KIAA1217: variants seen among roughly 807,000 people sequenced by gnomAD.
The protein encoded by KIAA1217 is KIAA1217, also known as sickle tail protein homolog.
In KIAA1217, 88 loss-of-function variants were observed where a neutral mutation model predicts 163.9. That is an observed-to-expected ratio of 0.54 (90% CI 0.45 to 0.64). KIAA1217 has a LOEUF of 0.64. Ranked by LOEUF, KIAA1217 falls within the 30% of genes least tolerant of loss-of-function variation. The pLI is 0.00. For missense variants in KIAA1217, 2,372 were observed against 2,475.0 expected, an observed-to-expected ratio of 0.96 and a Z score of 0.88; for synonymous variants, 903 against 923.1, an observed-to-expected ratio of 0.98 and a Z score of 0.39.
chr10:24,018,580 T>A (rs940928483), intron 2 of KIAA1217, among the ~76,000 whole-genome samples: 1 of 150,888 alleles, frequency 6.6e-6, no homozygotes, highest in Non-Finnish European at 1.5e-5. Flanking sequence ...ATAATAATAA[T>A]AAATAAATAA....
chr10:24,021,235 A>G (rs1847718207), intron 2 of KIAA1217, among the ~76,000 whole-genome samples: 1 of 151,992 alleles, frequency 6.6e-6, no homozygotes, highest in Non-Finnish European at 1.5e-5. Context: ...TACTGGAATT[A>G]ATAAGCAACT....
intron 1 of KIAA1217, among the ~76,000 whole-genome samples, chr10:23,920,544 G>C (rs1462467463): frequency 6.6e-6 from 1 of 152,172 alleles, no homozygotes; most frequent in Non-Finnish European, 1.5e-5. Context: ...AGAATGATTA[G>C]ATACCAAGCT....
chr10:24,527,665 A>G (rs2072410749), intron 13 of KIAA1217, among the ~76,000 whole-genome samples: 1 of 151,994 alleles, frequency 6.6e-6, no homozygotes, highest in Non-Finnish European at 1.5e-5. Context: ...CCCTGCCTCT[A>G]AAAAAATACA....
intron 4 of KIAA1217, among the ~76,000 whole-genome samples, chr10:24,434,689 T>G (rs2059886327): frequency 2.0e-5 from 3 of 152,228 alleles, no homozygotes; most frequent in Admixed American, 6.5e-5. Context: ...AAAGAACTCA[T>G]TTGATCTGTT....
intron 1 of KIAA1217, among the ~76,000 whole-genome samples, chr10:23,873,961 C>T (rs1840574499): frequency 6.6e-6 from 1 of 152,016 alleles, no homozygotes; most frequent in Non-Finnish European, 1.5e-5. Flanking sequence ...TTAGCCTATG[C>T]CAAGCACATG....
At chr10:24,053,361 A>AT (rs1276034761) in intron 2 of KIAA1217, among the ~76,000 whole-genome samples, 1 of 152,084 alleles carries the variant, frequency 6.6e-6, no homozygotes, top group Non-Finnish European at 1.5e-5. Context: ...TTTAAACACA[A>AT]TTATTTAGAC....
At chr10:24,417,992 G>C (rs1222590336) in intron 3 of KIAA1217, among the ~76,000 whole-genome samples, 1 of 151,388 alleles carries the variant, frequency 6.6e-6, no homozygotes, top group Non-Finnish European at 1.5e-5. Flanking sequence ...CTGTCACCCA[G>C]GCTGGAGTGC....
chr10:24,437,906 CAAAA>C (rs58645832), intron 4 of KIAA1217, among the ~76,000 whole-genome samples: 9 of 63,682 alleles, frequency 1.4e-4, no homozygotes, highest in African/African-American at 4.7e-4. Context: ...TGTTTGAAGG[CAAAA>C]AAAAAAAAAA....
intron 2 of KIAA1217, among the ~76,000 whole-genome samples, chr10:24,373,709 T>C (rs1240887919): frequency 1.3e-5 from 2 of 152,184 alleles, no homozygotes; most frequent in South Asian, 4.2e-4. Flanking sequence ...AGAGGTGTCC[T>C]TGTCATTTGT....
chr10:24,090,590 G>C (rs1375596276), intron 2 of KIAA1217, among the ~76,000 whole-genome samples: 1 of 151,438 alleles, frequency 6.6e-6, no homozygotes, highest in African/African-American at 2.4e-5. Flanking sequence ...TTCTCAAAGA[G>C]CATTTTTGAG....
chr10:24,001,271 A>C (rs1344694434), intron 1 of KIAA1217, among the ~76,000 whole-genome samples: 1 of 152,184 alleles, frequency 6.6e-6, no homozygotes, highest in Admixed American at 6.6e-5. Flanking sequence ...CTTCATATGC[A>C]AATGTCTGTC....
chr10:23,728,206 T>G (rs1838278374), intron 1 of KIAA1217, among the ~76,000 whole-genome samples: 1 of 152,206 alleles, frequency 6.6e-6, no homozygotes, highest in Non-Finnish European at 1.5e-5. Context: ...GCTCAAATGG[T>G]ATTTTTCGTT....
At position 24,302,730 on chromosome 10, in the gene KIAA1217, A is replaced by G. The variant is rs190911269; in HGVS notation, c.355-78139A>G. On this transcript the variant is annotated intron_variant, in intron 2 of 20. Coordinates refer to ENST00000376454, the MANE Select transcript of KIAA1217 (RefSeq NM_019590.5). ...AAGGGAAATCGACACAGGAGACCTT[A>G]AAGAGAAGGCCTTCTGGATGAAAGG... Among the ~76,000 whole-genome samples, 27 of 152,276 alleles carry G rather than the reference A, an allele frequency of 1.8e-4. No individual in the cohort carries two copies. The East Asian group carries it at 3.7e-3, about 21-fold the overall frequency.
chr10:24,089,199 T>A (rs1413357404), intron 2 of KIAA1217, among the ~76,000 whole-genome samples: 2 of 125,200 alleles, frequency 1.6e-5, no homozygotes, highest in African/African-American at 5.0e-5. Context: ...ATATTAGCCC[T>A]TTGTCAGATG....
At chr10:23,748,337 T>TA (rs1839522325) in intron 1 of KIAA1217, among the ~76,000 whole-genome samples, 1 of 151,676 alleles carries the variant, frequency 6.6e-6, no homozygotes, top group Non-Finnish European at 1.5e-5. Context: ...GCCTTCCGAT[T>TA]GTAGATTCTA....
At chr10:23,978,849 C>G (rs532605385) in intron 1 of KIAA1217, among the ~76,000 whole-genome samples, 1 of 152,168 alleles carries the variant, frequency 6.6e-6, no homozygotes, top group Non-Finnish European at 1.5e-5. Context: ...TTTTAAAGCT[C>G]TCCTATGAGG....
chr10:24,203,494 T>A (rs1427608965), intron 2 of KIAA1217, among the ~76,000 whole-genome samples: 1 of 151,956 alleles, frequency 6.6e-6, no homozygotes, highest in East Asian at 1.9e-4. Context: ...CAGGGAGAAG[T>A]GTACTCCATG....
chr10:23,742,313 A>G (rs1469436207), intron 1 of KIAA1217, among the ~76,000 whole-genome samples: 1 of 152,184 alleles, frequency 6.6e-6, no homozygotes, highest in Non-Finnish European at 1.5e-5. Context: ...AGAGTGTGAC[A>G]TCTTGGAAAT....
intron 3 of KIAA1217, among the ~76,000 whole-genome samples, chr10:24,383,376 AGC>A (rs1433037261): frequency 5.9e-5 from 9 of 152,226 alleles, no homozygotes; most frequent in African/African-American, 2.4e-5. Flanking sequence ...TTTCCTCTGC[AGC>A]CAAGAACGGT....
Sources: gnomAD v4.1 joint callset for allele counts (sites outside exome capture counted in the v4.1 genomes callset) on GRCh38, gnomAD v4.1.1 for gene constraint, MANE v1.5 for transcripts, NCBI Gene and HGNC (gene_info 2026-07-23, HGNC 2026-07-21) for gene names.